Variants in MDFIC observed in about 807,000 individuals in gnomAD.
MDFIC encodes the protein myoD family inhibitor domain-containing protein.
In MDFIC, 17 loss-of-function variants were observed where a neutral mutation model predicts 23.2. The observed-to-expected ratio is 0.73, with a 90% confidence interval of 0.50 to 1.10. The LOEUF (loss-of-function observed/expected upper bound fraction) is 1.10. Ranked by LOEUF, MDFIC falls within the 50% of genes least tolerant of loss-of-function variation. The pLI is 0.00. For missense variants in MDFIC, 356 were observed against 316.6 expected (o/e 1.12, Z -0.95); for synonymous variants, 120 against 115.2 (o/e 1.04, Z -0.27).
At chr7:114,975,061 T>A (rs1458185692) in intron 3 of MDFIC, among the ~76,000 whole-genome samples, 2 of 152,076 alleles carry the variant, frequency 1.3e-5, no homozygotes, top group African/African-American at 4.8e-5. Flanking sequence ...AATACTTTTT[T>A]TTTGCTAGTA....
intron 4 of MDFIC, among the ~76,000 whole-genome samples, chr7:115,001,221 G>C (rs1278896181): frequency 6.6e-6 from 1 of 152,174 alleles, no homozygotes; most frequent in Non-Finnish European, 1.5e-5. Context: ...AGAAGACTGA[G>C]AAATCCAGGA....
At chr7:114,931,421 T>C (rs1238920703) in intron 2 of MDFIC, among the ~76,000 whole-genome samples, 1 of 152,216 alleles carries the variant, frequency 6.6e-6, no homozygotes, top group Non-Finnish European at 1.5e-5. Context: ...CTGAAATTAA[T>C]TTTTATGCTA....
chr7:114,980,102 G>A (rs1325840974), intron 4 of MDFIC: 3 of 342,686 alleles, frequency 8.8e-6, no homozygotes, highest in African/African-American at 4.2e-5. Flanking sequence ...GTGTGTGTGT[G>A]TATTTTTATC....
At chr7:114,979,850 T>A (rs1563148067) in intron 4 of MDFIC, 69 bp downstream of exon 4, 2 of 1,524,998 alleles carry the variant, frequency 1.3e-6, no homozygotes, top group Non-Finnish European at 1.8e-6. Context: ...AATTATTTGA[T>A]CAAGCATATA....
intron 3 of MDFIC, among the ~76,000 whole-genome samples, chr7:114,961,881 A>G (rs1467765555): frequency 6.6e-6 from 1 of 152,138 alleles, no homozygotes; most frequent in Non-Finnish European, 1.5e-5. Flanking sequence ...AGGGACACAA[A>G]TCCAAACCAT....
intron 2 of MDFIC, among the ~76,000 whole-genome samples, chr7:114,927,503 G>T (rs1330165017): frequency 6.6e-6 from 1 of 151,694 alleles, no homozygotes; most frequent in Non-Finnish European, 1.5e-5. Context: ...CCTCAAAAAA[G>T]CTTATTTATT....
At chr7:115,002,143 C>CA (rs974101688) in intron 4 of MDFIC, among the ~76,000 whole-genome samples, 19 of 148,790 alleles carry the variant, frequency 1.3e-4, no homozygotes, top group South Asian at 6.5e-4. Flanking sequence ...TCTCAAAAAA[C>CA]AAAAAACAAA....
chr7:114,963,051 G>A (rs1793025893), intron 3 of MDFIC, among the ~76,000 whole-genome samples: 1 of 152,132 alleles, frequency 6.6e-6, no homozygotes, highest in South Asian at 2.1e-4. Flanking sequence ...TTTATATACA[G>A]TTGATGGCCC....
intron 3 of MDFIC, among the ~76,000 whole-genome samples, chr7:114,951,324 G>T (rs376822466): frequency 6.6e-6 from 1 of 151,802 alleles, no homozygotes; most frequent in South Asian, 2.1e-4. Flanking sequence ...ATTCTCTAAG[G>T]TGAGGTCCCT....
At chr7:114,975,935 AT>A (rs746618391) in intron 3 of MDFIC, among the ~76,000 whole-genome samples, 12 of 152,130 alleles carry the variant, frequency 7.9e-5, no homozygotes, top group Non-Finnish European at 1.2e-4. Context: ...AGTGAAAATA[AT>A]TAGGTGACAG....
intron 3 of MDFIC, among the ~76,000 whole-genome samples, chr7:114,948,456 C>T (rs957662021): frequency 6.6e-6 from 1 of 151,904 alleles, no homozygotes; most frequent in South Asian, 2.1e-4. Flanking sequence ...TTTTTTGCAT[C>T]CGATGTTCCT....
At chr7:114,971,834 A>G (rs553206556) in intron 3 of MDFIC, among the ~76,000 whole-genome samples, 2 of 152,226 alleles carry the variant, frequency 1.3e-5, no homozygotes, top group African/African-American at 4.8e-5. Flanking sequence ...TTATATTTGG[A>G]TTTACTTTTC....
intron 3 of MDFIC, among the ~76,000 whole-genome samples, chr7:114,950,370 T>C (rs547847013): frequency 1.3e-5 from 2 of 152,122 alleles, no homozygotes; most frequent in Non-Finnish European, 2.9e-5. Flanking sequence ...GGACAAGTGA[T>C]AGTTGTGATG....
intron 3 of MDFIC, among the ~76,000 whole-genome samples, chr7:114,972,990 A>G (rs1243471209): frequency 6.6e-6 from 1 of 151,946 alleles, no homozygotes. Context: ...ATATGTTATT[A>G]ATAGATTGTT....
At chr7:115,002,658 G>T (rs1210616989) in intron 4 of MDFIC, among the ~76,000 whole-genome samples, 4 of 152,106 alleles carry the variant, frequency 2.6e-5, no homozygotes, top group African/African-American at 9.7e-5. Flanking sequence ...TTTCCTCAGG[G>T]TCTCTCCACC....
At chr7:114,949,084 A>G (rs914438728) in intron 3 of MDFIC, among the ~76,000 whole-genome samples, 3 of 152,142 alleles carry the variant, frequency 2.0e-5, no homozygotes, top group African/African-American at 7.2e-5. Flanking sequence ...TGTTGTTATT[A>G]TTGTCTTATT....
rs187228611 is a variant in MDFIC, at chr7:114,986,202, T to C, written c.493+6421T>C. Among the ~76,000 whole-genome samples, 116 of 152,316 alleles carry C rather than the reference T, an allele frequency of 7.6e-4. 3 individuals are homozygous for C. Among genetic ancestry groups the C allele is most frequent in the African/African-American group, 2.5e-3 (103 of 41,564 alleles). ...GTACAGGCTTTTTCTGCTTTCTTTTTTTAAAACTATTTTTTGGTTTCTGAG... is the reference window on the plus strand; with the variant it reads ...GTACAGGCTTTTTCTGCTTTCTTTTCTTAAAACTATTTTTTGGTTTCTGAG... On this transcript the variant is annotated intron_variant, in intron 4 of 4. Coordinates refer to ENST00000393486, the MANE Select transcript of MDFIC (RefSeq NM_001166345.3).
rs1023538504 is a variant in MDFIC at position 114,956,799 on chromosome 7, T to G, written c.217+14402T>G. 9.9e-5 allele frequency among the ~76,000 whole-genome samples: 15 copies of G among 152,166 alleles called. 1 individual carries two copies. Among genetic ancestry groups the G allele is most frequent in the Non-Finnish European group, 2.2e-4 (15 of 68,020 alleles). On this transcript the variant is annotated intron_variant, in intron 3 of 4. Transcript: ENST00000393486. The stretch of plus-strand genomic sequence containing the variant: ...CAGATTGAGTATTAAGGTTTTTGAT[T>G]GAAAATATTGCCCTGAAACAAAGTT...
intron 3 of MDFIC, among the ~76,000 whole-genome samples, chr7:114,958,208 T>A (rs2709502): frequency 0.99 from 150,817 of 152,336 alleles, 74,672 homozygotes; most frequent in Middle Eastern, 1. Context: ...CTTGCAGAGC[T>A]TAATTCTAAT....
Sources: gnomAD v4.1 joint callset for allele counts (sites outside exome capture counted in the v4.1 genomes callset) on GRCh38, gnomAD v4.1.1 for gene constraint, MANE v1.5 for transcripts, NCBI Gene and HGNC (gene_info 2026-07-23, HGNC 2026-07-21) for gene names.